Variants in WDR76 observed in about 807,000 individuals in gnomAD.
The protein encoded by WDR76 is WD repeat-containing protein 76.
Under a neutral mutation model 70.2 loss-of-function variants are expected in WDR76, and 52 were observed. That is an observed-to-expected ratio of 0.74 (90% CI 0.59 to 0.93). WDR76 has a LOEUF of 0.93. WDR76 is among the 40% of genes least tolerant of loss of function. The pLI is 0.00. For missense variants in WDR76, 756 were observed against 760.2 expected, an observed-to-expected ratio of 0.99 and a Z score of 0.07; for synonymous variants, 292 against 271.1, an observed-to-expected ratio of 1.08 and a Z score of -0.76.
chr15:43,858,632 G>A, intron 10 of WDR76, 39 bp from the exon 11 acceptor site: 1 of 1,606,052 alleles, frequency 6.2e-7, no homozygotes, highest in South Asian at 1.1e-5. Context: ...TTCATTACAT[G>A]TACTATGGCA....
At position 43,856,937 on chromosome 15, in the gene WDR76, T is replaced by C. The variant is rs1051564380; in HGVS notation, c.1192-9T>C. 4 of 1,608,890 alleles carry C rather than the reference T, an allele frequency of 2.5e-6. No homozygotes were observed. The highest frequency in any genetic ancestry group is 1.1e-5 in the South Asian group (1 of 90,304). ...TGTGATATAAGCTGATTGTTACTTA[T>C]ATTCTTAGGTGTATAGAAATGAAAG... is the stretch of plus-strand genomic sequence containing the variant. On this transcript the variant is annotated splice_polypyrimidine_tract_variant and intron_variant, in intron 9 of 12. Coordinates refer to ENST00000263795, the MANE Select transcript of WDR76 (RefSeq NM_024908.4).
intron 10 of WDR76, 106 bp downstream of exon 10, chr15:43,857,269 C>G: frequency 1.7e-6 from 2 of 1,194,986 alleles, no homozygotes; most frequent in African/African-American, 1.6e-5. Context: ...AAAGGTATTA[C>G]TTTTGTAATA....
intron 12 of WDR76, among the ~76,000 whole-genome samples, chr15:43,864,345 G>A (rs905043571): frequency 3.9e-5 from 6 of 151,964 alleles, no homozygotes; most frequent in African/African-American, 1.5e-4. Flanking sequence ...TTTCCATTAT[G>A]GCTGCACCAA....
intron 2 of WDR76, among the ~76,000 whole-genome samples, 171 bp downstream of exon 2, chr15:43,828,537 TC>T (rs1243621301): frequency 6.6e-6 from 1 of 152,230 alleles, no homozygotes; most frequent in Non-Finnish European, 1.5e-5. Context: ...ACAAATAACT[TC>T]CTTGGGTTAT....
intron 8 of WDR76, among the ~76,000 whole-genome samples, chr15:43,850,517 G>A (rs942248470): frequency 3.3e-5 from 5 of 151,822 alleles, no homozygotes; most frequent in Non-Finnish European, 5.9e-5. Flanking sequence ...GGATGGTCTC[G>A]ATCTCCTGAC....
chr15:43,842,718 G>C (rs2087741133), intron 7 of WDR76, 47 bp downstream of exon 7: 4 of 1,549,354 alleles, frequency 2.6e-6, no homozygotes, highest in East Asian at 2.3e-5. Flanking sequence ...TGAGATGTTT[G>C]AGTTATAAAG....
chr15:43,833,192 TCTCA>T (rs539007432), intron 2 of WDR76, among the ~76,000 whole-genome samples: 77 of 152,230 alleles, frequency 5.1e-4, no homozygotes, highest in African/African-American at 1.7e-3. Context: ...AGAGATGGGG[TCTCA>T]CTCTGTTGCC....
intron 10 of WDR76, 189 bp from the exon 11 acceptor site, chr15:43,858,482 A>T: frequency 1.7e-6 from 1 of 592,038 alleles, no homozygotes; most frequent in Non-Finnish European, 2.8e-6. Flanking sequence ...CTGATCTCAG[A>T]TGATCCACCT....
In WDR76 at chr15:43,828,337, G is replaced by C. The variant is rs763793348; in HGVS notation, c.433G>C (p.Asp145His). 2 of 1,613,422 alleles carry C rather than the reference G, an allele frequency of 1.2e-6. No individual in the cohort carries two copies. The highest frequency in any genetic ancestry group is 1.7e-6 in the Non-Finnish European group (2 of 1,179,946). ...TGATGTGGAAAGTAGTCAGGATGGA[G>C]ACAGTGATGAAGATACCACACCATC... ...SVDVESSQDGDSDEDTTPSLD... is the reference protein window; with the variant it reads ...SVDVESSQDGHSDEDTTPSLD... Residue 145 changes from aspartate to histidine, a missense_variant, in exon 2 of 13, where the codon GAC becomes CAC. By Grantham distance (81) the Asp-to-His change is moderately conservative. Transcript: ENST00000263795.
In WDR76 at chr15:43,857,546, G is replaced by A. The variant is rs1172047643; in HGVS notation, c.1409+383G>A. 23 of 985,242 alleles carry A rather than the reference G, an allele frequency of 2.3e-5. No individual in the cohort carries two copies. The East Asian group carries it at 5.7e-4, about 24-fold the overall frequency. The allele number at this position is 985,242 out of a possible 1,614,324, so 61.0% of individuals were successfully genotyped here. A position where few individuals can be genotyped will look rare whatever the true frequency, so the allele number is the denominator to read the frequency against. ...CCAACTAGAAACTTGACAGCTGGGC[G>A]TGGTGGCTCATGCCTGTAATCCCAG... On this transcript the variant is annotated intron_variant, in intron 10 of 12. Transcript: ENST00000263795.
intron 8 of WDR76, among the ~76,000 whole-genome samples, chr15:43,847,896 C>T (rs566464575): frequency 1.3e-5 from 2 of 152,120 alleles, no homozygotes; most frequent in East Asian, 3.9e-4. Flanking sequence ...GTTTAATTAT[C>T]ATAGTCTGGT....
At chr15:43,840,690 T>C (rs1351924982) in intron 5 of WDR76, among the ~76,000 whole-genome samples, 1 of 151,996 alleles carries the variant, frequency 6.6e-6, no homozygotes. Context: ...ACAAGAAATA[T>C]ATTTGTGGCC....
At chr15:43,857,639 G>A (rs942894092) in intron 10 of WDR76, 8 of 452,962 alleles carry the variant, frequency 1.8e-5, no homozygotes, top group African/African-American at 1.7e-4. Context: ...GGCCAATATG[G>A]TGAGACCCTG....
chr15:43,829,753 G>T (rs1322456470), intron 2 of WDR76, among the ~76,000 whole-genome samples: 2 of 151,804 alleles, frequency 1.3e-5, no homozygotes, highest in Non-Finnish European at 2.9e-5. Flanking sequence ...TGATCCGCCC[G>T]CCTCGGCCTC....
chr15:43,841,363 AT>A (rs1292326086), intron 5 of WDR76, among the ~76,000 whole-genome samples: 1 of 151,356 alleles, frequency 6.6e-6, no homozygotes, highest in East Asian at 1.9e-4. Flanking sequence ...CGCCCGGCTA[AT>A]TTTTTTGTAT....
chr15:43,863,652 T>TAAGA (rs2140314936), intron 12 of WDR76, among the ~76,000 whole-genome samples: 1 of 152,000 alleles, frequency 6.6e-6, no homozygotes, highest in Admixed American at 6.6e-5. Flanking sequence ...CTCAATCTCC[T>TAAGA]GGACTTGAGC....
At chr15:43,839,880 T>G (rs1210394156) in intron 5 of WDR76, 152 bp downstream of exon 5, 1 of 1,035,422 alleles carries the variant, frequency 9.7e-7, no homozygotes, top group East Asian at 3.0e-5. Flanking sequence ...TTTTTTGAGA[T>G]GGAGTCTCAC....
intron 12 of WDR76, among the ~76,000 whole-genome samples, chr15:43,862,348 C>T (rs1167317908): frequency 3.5e-5 from 4 of 114,942 alleles, no homozygotes; most frequent in Admixed American, 1.2e-4. Context: ...GATAGAGTCT[C>T]ACTTTGTAGC....
rs145991488 is a variant in WDR76 at position 43,842,765 on chromosome 15, G to T, written c.878+94G>T. On this transcript the variant is annotated intron_variant, in intron 7 of 12. Transcript: ENST00000263795. Reference sequence around the variant, plus strand: ...TTTTAGGGAATTTTGAAAGTGAGATGAAATGTTTCCACCCTAACAACTGTT... The same window carrying T: ...TTTTAGGGAATTTTGAAAGTGAGATTAAATGTTTCCACCCTAACAACTGTT... The T allele has an allele frequency of 1.7e-3, 1,959 of 1,183,920 alleles. 21 individuals are homozygous for T. In the African/African-American group the frequency reaches 0.027, roughly 16 times the overall value. The allele number at this position is 1,183,920 out of a possible 1,614,324, so 73.3% of individuals were successfully genotyped here. A position where few individuals can be genotyped will look rare whatever the true frequency, so the allele number is the denominator to read the frequency against.
Sources: allele counts gnomAD v4.1 joint callset (sites outside exome capture counted in the v4.1 genomes callset), GRCh38; gene constraint gnomAD v4.1.1; transcripts MANE v1.5; gene names NCBI Gene and HGNC (gene_info 2026-07-23, HGNC 2026-07-21).